EXOC1: variants seen among roughly 807,000 people sequenced by gnomAD.
The protein encoded by EXOC1 is exocyst complex component 1, also known as SEC3-like 1.
Under a neutral mutation model 107.7 loss-of-function variants are expected in EXOC1, and 67 were observed. That is an observed-to-expected ratio of 0.62 (90% CI 0.51 to 0.76). The LOEUF is 0.76. Ranked by LOEUF, EXOC1 falls within the 30% of genes least tolerant of loss-of-function variation. The pLI, the probability that EXOC1 is intolerant of heterozygous loss-of-function variation, is 0.00. For synonymous variants in EXOC1, 348 were observed against 353.5 expected (o/e 0.98, Z 0.17); for missense variants, 833 against 1,055.7 (o/e 0.79, Z 2.92).
intron 12 of EXOC1, 38 bp from the exon 13 acceptor site, chr4:55,891,277 C>A: frequency 1.6e-6 from 2 of 1,250,720 alleles, no homozygotes; most frequent in Non-Finnish European, 2.4e-6. Flanking sequence ...GCATTTGGTG[C>A]AGTTCTTTCG....
chr4:55,885,478 T>C (rs1413858289), intron 10 of EXOC1: 1 of 152,190 alleles, frequency 6.6e-6, no homozygotes, highest in African/African-American at 2.4e-5. Context: ...ATAATACAGG[T>C]TAAAAGGTAG....
intron 15 of EXOC1, among the ~76,000 whole-genome samples, chr4:55,895,717 C>T (rs942054254): frequency 2.6e-5 from 4 of 152,076 alleles, no homozygotes; most frequent in African/African-American, 4.8e-5. Context: ...TAATTGAATC[C>T]GTGGATCGTT....
intron 12 of EXOC1, among the ~76,000 whole-genome samples, chr4:55,890,817 C>G (rs1428621605): frequency 6.6e-6 from 1 of 152,188 alleles, no homozygotes; most frequent in African/African-American, 2.4e-5. Flanking sequence ...GCAACCTCCA[C>G]CTTCTGGGTT....
At chr4:55,855,707 G>T (rs1272606818) in intron 1 of EXOC1, among the ~76,000 whole-genome samples, 2 of 152,168 alleles carry the variant, frequency 1.3e-5, no homozygotes, top group Admixed American at 1.3e-4. Flanking sequence ...CTTGAGGGAT[G>T]AATTGTAATT....
intron 13 of EXOC1, among the ~76,000 whole-genome samples, chr4:55,891,674 TAGTG>T (rs542570049): frequency 4.6e-5 from 7 of 152,304 alleles, no homozygotes; most frequent in Admixed American, 1.3e-4. Flanking sequence ...TTCTCTAAAT[TAGTG>T]GGGGGAGGAA....
In EXOC1 at chr4:55,890,393, TAA is replaced by T; in HGVS notation, c.1539+10_1539+11del. On this transcript the variant is annotated splice_region_variant and intron_variant, in intron 12 of 18. Coordinates refer to ENST00000381295, the MANE Select transcript of EXOC1 (RefSeq NM_001024924.2). ...CAGGACCAAATTTGATAAGGTAAACTAAAATAACAAGTACTTCTTAAACATTA... is the reference window on the plus strand; with the variant it reads ...CAGGACCAAATTTGATAAGGTAAACTAATAACAAGTACTTCTTAAACATTA... 1 of 1,612,670 alleles carries T rather than the reference TAA, an allele frequency of 6.2e-7. No individual in the cohort carries two copies. Among genetic ancestry groups the T allele is most frequent in the Non-Finnish European group, 8.5e-7 (1 of 1,179,096 alleles).
chr4:55,860,395 G>C lies in EXOC1; in HGVS notation c.125-16G>C. Reference sequence around the variant, plus strand: ...GGGGTAATATTTCTAATAAAAGTGTGCGTTTTACTCAACAGTGACAACTGA... The same window carrying C: ...GGGGTAATATTTCTAATAAAAGTGTCCGTTTTACTCAACAGTGACAACTGA... On this transcript the variant is annotated splice_polypyrimidine_tract_variant and intron_variant, in intron 2 of 18. Transcript: ENST00000381295. 1 of 1,612,754 alleles carries C rather than the reference G, an allele frequency of 6.2e-7. No individual in the cohort carries two copies. Among genetic ancestry groups the C allele is most frequent in the Non-Finnish European group, 8.5e-7 (1 of 1,179,160 alleles).
chr4:55,868,248 T>G (rs1401543092), intron 4 of EXOC1, 88 bp from the exon 5 acceptor site: 1 of 1,071,672 alleles, frequency 9.3e-7, no homozygotes, highest in East Asian at 2.8e-5. Flanking sequence ...ATGTGACCTG[T>G]GCTTATAACT....
chr4:55,858,260 T>G (rs553138501), intron 1 of EXOC1, 54 bp from the exon 2 acceptor site: 4 of 1,495,402 alleles, frequency 2.7e-6, no homozygotes, highest in Admixed American at 2.4e-5. Flanking sequence ...TTCAGAAGTA[T>G]AAGATGGAAT....
Position 55,858,399 on chromosome 4 carries a change from G to A in EXOC1, c.76G>A (p.Val26Ile). 6.2e-7 allele frequency: 1 copy of A among 1,610,256 alleles called. No homozygotes were observed. Among genetic ancestry groups the A allele is most frequent in the Non-Finnish European group, 8.5e-7 (1 of 1,178,348 alleles). Residue 26 changes from valine (V) to isoleucine (I), a missense_variant, in exon 2 of 19, where the codon GTC (valine) becomes ATC (isoleucine). This residue lies in a region of EXOC1 where 617 missense variants were observed against 701.3 expected (regional missense o/e 0.88). Transcript: ENST00000381295. The part of the protein sequence containing the change: ...NDERLLSIVN[V>I]CKAGKKKKNC... ...TGAACGCCTGCTGAGCATTGTGAAT[G>A]TCTGCAAAGCAGGAAAAAAGAAAAA...
intron 12 of EXOC1, 103 bp downstream of exon 12, chr4:55,890,489 T>A: frequency 1.2e-6 from 1 of 836,280 alleles, no homozygotes; most frequent in South Asian, 1.9e-5. Context: ...CTTCTGGCTC[T>A]CTTAAGCATT....
At chr4:55,902,217 TTA>T in intron 17 of EXOC1, 125 bp from the exon 18 acceptor site, 2 of 603,874 alleles carry the variant, frequency 3.3e-6, no homozygotes, top group Non-Finnish European at 5.1e-6. Context: ...GATTGTTATT[TTA>T]TTGTTTATAC....
chr4:55,872,563 A>G (rs1722543693), intron 8 of EXOC1, among the ~76,000 whole-genome samples: 1 of 152,116 alleles, frequency 6.6e-6, no homozygotes, highest in Non-Finnish European at 1.5e-5. Flanking sequence ...ATCTAATACA[A>G]TAAATTAGGT....
intron 2 of EXOC1, among the ~76,000 whole-genome samples, chr4:55,860,040 A>G (rs1277100893): frequency 2.6e-5 from 4 of 152,234 alleles, no homozygotes; most frequent in Non-Finnish European, 5.9e-5. Flanking sequence ...CCTGGGCAAC[A>G]TAGTAAGAAC....
At chr4:55,881,861 C>T (rs1723413118) in intron 9 of EXOC1, among the ~76,000 whole-genome samples, 1 of 152,034 alleles carries the variant, frequency 6.6e-6, no homozygotes, top group Admixed American at 6.6e-5. Context: ...ATTTATTTTC[C>T]TTTCACATTG....
Position 55,870,818 on chromosome 4 carries a change from A to G in EXOC1, c.744A>G (p.Gln248=). The G allele has an allele frequency of 1.2e-6, 2 of 1,613,948 alleles. No homozygotes were observed. The highest frequency in any genetic ancestry group is 1.7e-6 in the Non-Finnish European group (2 of 1,179,924). Residue 248 remains glutamine (Q), a synonymous_variant, in exon 6 of 19, where the codon CAA becomes CAG. Transcript: ENST00000381295. ...YEEMLQSVKE[Q]MDQISESNHL... Reference sequence around the variant, plus strand: ...AAATGCTCCAAAGTGTAAAAGAACAAATGGATCAGATCTCTGAAAGCAACC... The same window carrying G: ...AAATGCTCCAAAGTGTAAAAGAACAGATGGATCAGATCTCTGAAAGCAACC...
intron 16 of EXOC1, 39 bp downstream of exon 16, chr4:55,896,939 T>C: frequency 6.6e-7 from 1 of 1,507,144 alleles, no homozygotes. Context: ...GTTATAGCTA[T>C]TGTTTTTATT....
intron 3 of EXOC1, among the ~76,000 whole-genome samples, chr4:55,860,951 T>A (rs998276884): frequency 5.4e-5 from 8 of 149,478 alleles, no homozygotes; most frequent in African/African-American, 1.7e-4. Flanking sequence ...CTTTGATGTT[T>A]GTGGATCAAA....
intron 16 of EXOC1, among the ~76,000 whole-genome samples, chr4:55,898,388 G>C (rs1175576608): frequency 2.0e-5 from 3 of 152,104 alleles, no homozygotes; most frequent in African/African-American, 4.8e-5. Context: ...CAGGCCTAAA[G>C]GTTACATGAT....
Sources: gnomAD v4.1 joint callset for allele counts (sites outside exome capture counted in the v4.1 genomes callset) on GRCh38, gnomAD v4.1.1 for gene constraint, gnomAD v4.1.1 regional missense constraint, MANE v1.5 for transcripts, NCBI Gene and HGNC (gene_info 2026-07-23, HGNC 2026-07-21) for gene names.